Variants in PRKCE observed in about 807,000 individuals in gnomAD.
The protein encoded by PRKCE is protein kinase C epsilon type.
PRKCE carries 16 observed loss-of-function variants against 85.4 expected under a neutral mutation model. The observed-to-expected ratio is 0.19, with a 90% CI of 0.13 to 0.28. The LOEUF (loss-of-function observed/expected upper bound fraction) is 0.28, where lower values mean the gene tolerates loss of function less well. Among genes scored for constraint, PRKCE ranks in the 10% least tolerant of loss-of-function variants. The pLI is 1.00. For missense variants in PRKCE, 573 were observed against 975.2 expected, an observed-to-expected ratio of 0.59 and a Z score of 5.49; for synonymous variants, 388 against 371.5, an observed-to-expected ratio of 1.04 and a Z score of -0.51.
rs375708523 is a variant in PRKCE, at chr2:46,025,561, C to A, written c.1437+15044C>A. Among the ~76,000 whole-genome samples, 8 of 152,320 alleles carry A rather than the reference C, an allele frequency of 5.3e-5. No homozygotes were observed. In the South Asian group the frequency reaches 1.2e-3, roughly 24 times the overall value. On this transcript the variant is annotated intron_variant, in intron 10 of 14. Transcript: ENST00000306156. ...TCCTACAAATTGGAGGAAACTGAGGCACAAGCGTTGAAGTGCCCCTTCCGG... is the reference window on the plus strand; with the variant it reads ...TCCTACAAATTGGAGGAAACTGAGGAACAAGCGTTGAAGTGCCCCTTCCGG...
At chr2:45,997,326 A>T (rs1358601125) in intron 6 of PRKCE, among the ~76,000 whole-genome samples, 2 of 151,774 alleles carry the variant, frequency 1.3e-5, no homozygotes, top group Non-Finnish European at 2.9e-5. Flanking sequence ...TTTTTGCTCT[A>T]ATTCTTATTA....
chr2:46,128,562 G>A (rs1574544825), intron 11 of PRKCE, among the ~76,000 whole-genome samples: 3 of 152,330 alleles, frequency 2.0e-5, no homozygotes, highest in African/African-American at 7.2e-5. Flanking sequence ...AGGCCTGGGA[G>A]ACGTCACGTT....
At chr2:46,035,079 T>G (rs1368960353) in intron 10 of PRKCE, among the ~76,000 whole-genome samples, 1 of 152,220 alleles carries the variant, frequency 6.6e-6, no homozygotes, top group Non-Finnish European at 1.5e-5. Flanking sequence ...TCACCCTTCC[T>G]CTTCCTTCAG....
At chr2:45,732,724 G>T (rs1681687110) in intron 1 of PRKCE, among the ~76,000 whole-genome samples, 1 of 152,012 alleles carries the variant, frequency 6.6e-6, no homozygotes, top group Non-Finnish European at 1.5e-5. Flanking sequence ...CACACTATTT[G>T]GTATTTTCCT....
intron 1 of PRKCE, among the ~76,000 whole-genome samples, chr2:45,746,211 T>G (rs1261002333): frequency 6.6e-6 from 1 of 152,162 alleles, no homozygotes; most frequent in African/African-American, 2.4e-5. Flanking sequence ...TACCTTTAAA[T>G]GATTCCTATA....
At chr2:45,736,737 C>A (rs897130913) in intron 1 of PRKCE, among the ~76,000 whole-genome samples, 7 of 152,212 alleles carry the variant, frequency 4.6e-5, no homozygotes, top group African/African-American at 1.7e-4. Context: ...TGCATGTGCG[C>A]CTTCCTTGAG....
intron 2 of PRKCE, among the ~76,000 whole-genome samples, chr2:45,887,782 C>T (rs1695408944): frequency 6.6e-6 from 1 of 152,198 alleles, no homozygotes; most frequent in Non-Finnish European, 1.5e-5. Context: ...AACCAGGTGC[C>T]TCTTGGACTT....
chr2:45,964,405 C>T (rs1301987211), intron 2 of PRKCE, among the ~76,000 whole-genome samples: 6 of 152,250 alleles, frequency 3.9e-5, no homozygotes, highest in Admixed American at 3.3e-4. Context: ...TCATCACTGG[C>T]ACCAACAGGG....
intron 10 of PRKCE, among the ~76,000 whole-genome samples, chr2:46,072,871 C>G (rs1192967233): frequency 1.3e-5 from 2 of 152,188 alleles, no homozygotes; most frequent in Non-Finnish European, 2.9e-5. Context: ...TTTACCAACA[C>G]ATGAAATTAT....
At position 45,984,437 on chromosome 2, in the gene PRKCE, G is replaced by T. The variant is rs934956688; in HGVS notation, c.694-114G>T. On this transcript the variant is annotated intron_variant, in intron 5 of 14. Transcript: ENST00000306156. ...AGCTTTTAGAGCCAAGCTAGGGCCT[G>T]CCACCTACAATGACACAAGCTCTCT... The T allele has an allele frequency of 2.1e-6, 3 of 1,460,046 alleles. No individual in the cohort carries two copies. The African/African-American group carries it at 4.2e-5, about 20-fold the overall frequency. The allele number at this position is 1,460,046 out of a possible 1,614,324, so 90.4% of individuals were successfully genotyped here.
chr2:46,152,251 G>T (rs1340792062), intron 13 of PRKCE, among the ~76,000 whole-genome samples: 1 of 150,480 alleles, frequency 6.6e-6, no homozygotes, highest in Non-Finnish European at 1.5e-5. Context: ...GTGCTATCTT[G>T]GCTCACTGCA....
chr2:46,058,745 G>A (rs993631839), intron 10 of PRKCE, among the ~76,000 whole-genome samples: 1 of 152,198 alleles, frequency 6.6e-6, no homozygotes, highest in African/African-American at 2.4e-5. Context: ...ACCCAGGCTG[G>A]AGCACAGTGG....
intron 10 of PRKCE, among the ~76,000 whole-genome samples, chr2:46,075,059 G>C (rs1230442880): frequency 1.3e-5 from 2 of 152,052 alleles, no homozygotes; most frequent in Non-Finnish European, 1.5e-5. Flanking sequence ...TTCTTGTTTT[G>C]AGACGGAGTC....
At chr2:45,805,651 C>A (rs1688186007) in intron 1 of PRKCE, among the ~76,000 whole-genome samples, 1 of 148,526 alleles carries the variant, frequency 6.7e-6, no homozygotes, top group Non-Finnish European at 1.5e-5. Flanking sequence ...GGCTGGAGTG[C>A]AGTGGTGTGG....
intron 1 of PRKCE, among the ~76,000 whole-genome samples, chr2:45,760,306 T>C (rs1684357204): frequency 6.6e-6 from 1 of 152,126 alleles, no homozygotes; most frequent in Non-Finnish European, 1.5e-5. Flanking sequence ...GTATGGTTGC[T>C]CCAGTTGAGC....
chr2:45,943,486 T>C (rs977936998), intron 2 of PRKCE, among the ~76,000 whole-genome samples: 1 of 152,368 alleles, frequency 6.6e-6, no homozygotes, highest in African/African-American at 2.4e-5. Context: ...GGACTTGATC[T>C]TGCAGGTTAG....
At chr2:46,101,859 C>T (rs1314947976) in intron 11 of PRKCE, among the ~76,000 whole-genome samples, 2 of 114,116 alleles carry the variant, frequency 1.8e-5, no homozygotes, top group African/African-American at 7.1e-5. Flanking sequence ...AACTGGCTTT[C>T]AAAAAAAAAA....
In PRKCE at chr2:45,691,634, C is replaced by T. The variant is rs1198521627; in HGVS notation, c.348+39186C>T. ...ATATTGGCATCTTATCATTATACTCCACTTCGTGTGTGAAGAGAGACAGTT... is the reference window on the plus strand; with the variant it reads ...ATATTGGCATCTTATCATTATACTCTACTTCGTGTGTGAAGAGAGACAGTT... On this transcript the variant is annotated intron_variant, in intron 1 of 14. Coordinates refer to ENST00000306156, the MANE Select transcript of PRKCE (RefSeq NM_005400.3). Among the ~76,000 whole-genome samples the T allele has an allele frequency of 3.9e-5, 6 of 152,174 alleles. No individual in the cohort carries two copies. In the East Asian group the frequency reaches 9.6e-4, roughly 24 times the overall value.
intron 14 of PRKCE, among the ~76,000 whole-genome samples, chr2:46,172,437 C>T (rs1466055899): frequency 6.6e-6 from 1 of 152,160 alleles, no homozygotes; most frequent in African/African-American, 2.4e-5. Flanking sequence ...TCAGAATCAA[C>T]GTGTCACAGC....
Sources: allele counts gnomAD v4.1 joint callset (sites outside exome capture counted in the v4.1 genomes callset), GRCh38; gene constraint gnomAD v4.1.1; transcripts MANE v1.5; gene names NCBI Gene and HGNC (gene_info 2026-07-23, HGNC 2026-07-21).